The following ADH6 variants were observed in gnomAD, a reference collection of about 807,000 sequenced individuals.
The protein encoded by ADH6 is alcohol dehydrogenase 6.
In ADH6, 34 loss-of-function variants were observed where a neutral mutation model predicts 36.5. The observed-to-expected ratio is 0.93, with a 90% CI of 0.71 to 1.24. The LOEUF (loss-of-function observed/expected upper bound fraction) is 1.24, where lower values mean the gene tolerates loss of function less well. Ranked by LOEUF, ADH6 falls within the 50% of genes most tolerant of loss-of-function variation. ADH6 has a pLI of 0.00. For missense variants in ADH6, 440 were observed against 447.0 expected (o/e 0.98, Z 0.14); for synonymous variants, 161 against 155.5 (o/e 1.04, Z -0.26).
chr4:99,219,199 T>A lies in ADH6; in HGVS notation c.-47A>T. The A allele has an allele frequency of 6.4e-7, 1 of 1,571,654 alleles. No individual in the cohort carries two copies. The highest frequency in any genetic ancestry group is 1.1e-5 in the South Asian group (1 of 90,162). On this transcript the variant is annotated 5_prime_UTR_variant, in exon 1 of 9. Coordinates refer to ENST00000394899, the MANE Select transcript of ADH6 (RefSeq NM_001102470.2). ...TGAATTTATTGAGAAAGGGAGATCC[T>A]GTAGCAACTTTCACTGTAGAAAGTA...
intron 1 of ADH6, 51 bp downstream of exon 1, chr4:99,219,084 A>G (rs1731548392): frequency 6.3e-7 from 1 of 1,578,250 alleles, no homozygotes; most frequent in Non-Finnish European, 8.7e-7. Context: ...AGAGATGAGC[A>G]CACAAACTGA....
chr4:99,214,208 T>C (rs926788938), intron 2 of ADH6, among the ~76,000 whole-genome samples: 3 of 151,998 alleles, frequency 2.0e-5, no homozygotes, highest in African/African-American at 7.2e-5. Flanking sequence ...CTGGGCAAAA[T>C]AGTGAGACCT....
rs950124781 is a variant in ADH6 at position 99,210,304 on chromosome 4, A to T, written c.351-6T>A. On this transcript the variant is annotated splice_region_variant and splice_polypyrimidine_tract_variant and intron_variant, in intron 4 of 8. Transcript: ENST00000394899. ...TCAGTTGGGTTTTTGACTGTCTTTT[A>T]TAGACAAAACAAAAAACAAAACACA... 1 of 1,611,124 alleles carries T rather than the reference A, an allele frequency of 6.2e-7. No homozygotes were observed. Among genetic ancestry groups the T allele is most frequent in the African/African-American group, 1.3e-5 (1 of 74,834 alleles).
intron 8 of ADH6, 66 bp from the exon 9 acceptor site, chr4:99,204,309 C>A: frequency 1.9e-6 from 3 of 1,580,724 alleles, no homozygotes; most frequent in South Asian, 1.2e-5. Context: ...TTTTGGATTT[C>A]AAATTCTCAC....
At chr4:99,211,822 G>A (rs1731236818) in intron 3 of ADH6, among the ~76,000 whole-genome samples, 3 of 152,122 alleles carry the variant, frequency 2.0e-5, no homozygotes, top group Admixed American at 2.0e-4. Context: ...CACAGAAGAA[G>A]AAATGTGAGC....
chr4:99,214,655 T>C (rs933010629), intron 2 of ADH6, among the ~76,000 whole-genome samples: 2 of 152,172 alleles, frequency 1.3e-5, no homozygotes, highest in African/African-American at 4.8e-5. Flanking sequence ...TTTTTCTTTC[T>C]GGGTCTCAGT....
intron 6 of ADH6, chr4:99,208,277 C>G (rs1731106469): frequency 6.3e-6 from 1 of 159,044 alleles, no homozygotes; most frequent in African/African-American, 2.4e-5. Flanking sequence ...CACGTTTAGC[C>G]AGAAAAACCA....
intron 1 of ADH6, 47 bp from the exon 2 acceptor site, chr4:99,216,309 G>A (rs369461150): frequency 3.2e-6 from 4 of 1,255,890 alleles, no homozygotes; most frequent in Non-Finnish European, 4.4e-6. Context: ...CTTAAGCTTG[G>A]GAGTTGGAAG....
chr4:99,208,415 G>T, intron 6 of ADH6: 1 of 364,636 alleles, frequency 2.7e-6, no homozygotes. Context: ...TGATTTATAA[G>T]GTCATTAATC....
At chr4:99,206,752 A>G (rs1731050549) in intron 7 of ADH6, among the ~76,000 whole-genome samples, 1 of 152,016 alleles carries the variant, frequency 6.6e-6, no homozygotes, top group African/African-American at 2.4e-5. Flanking sequence ...CAGATTGCCC[A>G]GAGTTTCTGG....
chr4:99,205,422 A>G (rs1327916125), intron 7 of ADH6, among the ~76,000 whole-genome samples: 1 of 152,108 alleles, frequency 6.6e-6, no homozygotes, highest in Non-Finnish European at 1.5e-5. Context: ...TTCAAATGTT[A>G]AATATAGCAC....
intron 6 of ADH6, among the ~76,000 whole-genome samples, chr4:99,208,014 A>G (rs542831375): frequency 6.6e-6 from 1 of 152,256 alleles, no homozygotes; most frequent in Admixed American, 6.5e-5. Context: ...GCTATTTCTC[A>G]GAGTAAGAGT....
chr4:99,207,341 A>G (rs1731070365), intron 7 of ADH6, 105 bp downstream of exon 7: 5 of 1,471,330 alleles, frequency 3.4e-6, no homozygotes, highest in African/African-American at 2.8e-5. Flanking sequence ...AATCTGTAAT[A>G]TAAAGCTGTT....
At chr4:99,211,579 G>A (rs1194155892) in intron 3 of ADH6, among the ~76,000 whole-genome samples, 1 of 152,142 alleles carries the variant, frequency 6.6e-6, no homozygotes. Context: ...GTGGTGTCAT[G>A]CCTGTGAGTA....
At chr4:99,205,507 GA>G (rs1451604353) in intron 7 of ADH6, among the ~76,000 whole-genome samples, 2 of 152,056 alleles carry the variant, frequency 1.3e-5, no homozygotes, top group Non-Finnish European at 2.9e-5. Context: ...TAGCTTAAAG[GA>G]AAAGAAGAAC....
chr4:99,216,135 ATTTTTTTTTT>A lies in ADH6; in HGVS notation c.120+16_120+25del. On this transcript the variant is annotated intron_variant, in intron 2 of 8. Coordinates refer to ENST00000394899, the MANE Select transcript of ADH6 (RefSeq NM_001102470.2). ...GCTCTGGCTTTTGGCTTTTGGTGTG[ATTTTTTTTTT>A]TTTTTTTTTTTTTACCTTTATGCGA... 3 of 864,734 alleles carry A rather than the reference ATTTTTTTTTT, an allele frequency of 3.5e-6. No homozygotes were observed. Among genetic ancestry groups the A allele is most frequent in the Admixed American group, 7.9e-5 (2 of 25,244 alleles). 53.6% of individuals were successfully genotyped at this position (864,734 alleles called of 1,614,324 possible).
intron 1 of ADH6, among the ~76,000 whole-genome samples, chr4:99,216,970 A>G (rs1328320785): frequency 6.6e-6 from 1 of 152,196 alleles, no homozygotes; most frequent in Non-Finnish European, 1.5e-5. Flanking sequence ...TTTGTTGAGC[A>G]TAGTGACCCT....
chr4:99,211,404 T>C (rs1321490362), intron 3 of ADH6, among the ~76,000 whole-genome samples: 2 of 152,200 alleles, frequency 1.3e-5, no homozygotes, highest in Admixed American at 6.6e-5. Flanking sequence ...TAGTGCTCCA[T>C]CATTAACCAG....
At chr4:99,217,381 C>A (rs9995799) in intron 1 of ADH6, among the ~76,000 whole-genome samples, 39,536 of 152,060 alleles carry the variant, frequency 0.26, 6,016 homozygotes, top group East Asian at 0.77. Context: ...CTCCACTCAC[C>A]CTTCCCAGTC....
Sources: allele counts gnomAD v4.1 joint callset (sites outside exome capture counted in the v4.1 genomes callset), GRCh38; gene constraint gnomAD v4.1.1; transcripts MANE v1.5; gene names NCBI Gene and HGNC (gene_info 2026-07-23, HGNC 2026-07-21).